RFTN1: variants seen among roughly 807,000 people sequenced by gnomAD.
RFTN1 encodes raftlin, lipid raft linker 1, also known as raftlin.
Under a neutral mutation model 46.5 loss-of-function variants are expected in RFTN1, and 26 were observed. That is an observed-to-expected ratio of 0.56 (90% CI 0.41 to 0.78). The LOEUF (loss-of-function observed/expected upper bound fraction) is 0.78, where lower values mean the gene tolerates loss of function less well. Among genes scored for constraint, RFTN1 ranks in the 30% least tolerant of loss-of-function variants. The pLI, the probability that RFTN1 is intolerant of heterozygous loss-of-function variation, is 0.00. For synonymous variants in RFTN1, 261 were observed against 284.2 expected, an observed-to-expected ratio of 0.92 and a Z score of 0.82; for missense variants, 693 against 718.7, an observed-to-expected ratio of 0.96 and a Z score of 0.41.
chr3:16,408,309 G>C (rs1465459581), intron 4 of RFTN1, among the ~76,000 whole-genome samples: 1 of 152,100 alleles, frequency 6.6e-6, no homozygotes, highest in Non-Finnish European at 1.5e-5. Context: ...GGCCACTTCT[G>C]CTGGTAACAC....
chr3:16,395,260 T>A (rs2074441025), intron 4 of RFTN1, among the ~76,000 whole-genome samples: 1 of 152,270 alleles, frequency 6.6e-6, no homozygotes, highest in Non-Finnish European at 1.5e-5. Context: ...TATTGCTCTG[T>A]GCTCTGCCTC....
rs770669100 is a variant in RFTN1, at chr3:16,381,418, C to G, written c.442-3316G>C. On this transcript the variant is annotated intron_variant, in intron 4 of 9. Transcript: ENST00000334133. This position sits in a 1 kb window ranked among gnomAD's most constrained non-coding sequence, Gnocchi z 4.2. ...CAGTGACAATGGTGATTATTTCTGC[C>G]TGAAGGGGAGGTTGAGAAAAGTTTC... 6.6e-6 allele frequency among the ~76,000 whole-genome samples: 1 copy of G among 152,074 alleles called. No homozygotes were observed. The highest frequency in any genetic ancestry group is 1.5e-5 in the Non-Finnish European group (1 of 68,016).
rs539376714 is a variant in RFTN1, at chr3:16,352,234, G to A, written c.1146+5698C>T. ...CAAATTTCACGATAAGCACTGATAT[G>A]CTAGAACATATTCCAGGGAGAGGGA... is the stretch of plus-strand genomic sequence containing the variant. On this transcript the variant is annotated intron_variant, in intron 7 of 9. Transcript: ENST00000334133. The surrounding 1 kb of genome is among the most constrained non-coding windows in gnomAD (Gnocchi z 4.6). Among the ~76,000 whole-genome samples the A allele has an allele frequency of 6.6e-6, 1 of 152,304 alleles. No individual in the cohort carries two copies. Among genetic ancestry groups the A allele is most frequent in the East Asian group, 1.9e-4 (1 of 5,186 alleles).
At position 16,475,142 on chromosome 3, in the gene RFTN1, C is replaced by A. The variant is rs745326171; in HGVS notation, c.145+18583G>T. 1.8e-4 allele frequency among the ~76,000 whole-genome samples: 27 copies of A among 152,224 alleles called. No individual in the cohort carries two copies. The highest frequency in any genetic ancestry group is 3.4e-4 in the Non-Finnish European group (23 of 68,042). Reference sequence around the variant, plus strand: ...CCTCTCTCACCATGTGACACACCAGCTCCCCTTCCACTTGCACAATGTTTG... The same window carrying A: ...CCTCTCTCACCATGTGACACACCAGATCCCCTTCCACTTGCACAATGTTTG... On this transcript the variant is annotated intron_variant, in intron 2 of 9. Transcript: ENST00000334133. The surrounding 1 kb of genome is among the most constrained non-coding windows in gnomAD (Gnocchi z 4.2).
At chr3:16,470,941 A>G (rs1575338535) in intron 2 of RFTN1, among the ~76,000 whole-genome samples, 1 of 152,254 alleles carries the variant, frequency 6.6e-6, no homozygotes, top group East Asian at 1.9e-4. Flanking sequence ...TATTATAACT[A>G]AATTCAATAT....
chr3:16,493,372 C>T (rs1303370486), intron 2 of RFTN1, among the ~76,000 whole-genome samples: 2 of 152,056 alleles, frequency 1.3e-5, no homozygotes, highest in Non-Finnish European at 2.9e-5. Flanking sequence ...GCTGGGACTA[C>T]AGGCACCCGC....
chr3:16,365,486 T>TA (rs2073103050), intron 6 of RFTN1, among the ~76,000 whole-genome samples: 1 of 152,194 alleles, frequency 6.6e-6, no homozygotes, highest in South Asian at 2.1e-4. Context: ...GTGTTTTACT[T>TA]ATGTATTTTG....
chr3:16,354,874 T>C (rs1258298552), intron 7 of RFTN1, among the ~76,000 whole-genome samples: 1 of 152,238 alleles, frequency 6.6e-6, no homozygotes, highest in African/African-American at 2.4e-5. Context: ...ATATCCTAGT[T>C]CGTCCCTCTT....
chr3:16,437,098 T>C (rs768815532), intron 2 of RFTN1, among the ~76,000 whole-genome samples: 1 of 152,234 alleles, frequency 6.6e-6, no homozygotes, highest in Non-Finnish European at 1.5e-5. Context: ...CTCTGGAGCA[T>C]GCTAAAGTTT....
At position 16,351,622 on chromosome 3, in the gene RFTN1, T is replaced by C. The variant is rs76341535; in HGVS notation, c.1146+6310A>G. ...AAGTCAAGTCCTCGCAGGTAGCAGC[T>C]GCTTTCTAGGATGCTCATGCCCTTC... On this transcript the variant is annotated intron_variant, in intron 7 of 9. Transcript: ENST00000334133. The surrounding 1 kb of genome is among the most constrained non-coding windows in gnomAD (Gnocchi z 5.4). 8.6e-3 allele frequency among the ~76,000 whole-genome samples: 1,310 copies of C among 152,320 alleles called. 5 individuals are homozygous for C. The highest frequency in any genetic ancestry group is 0.014 in the Non-Finnish European group (982 of 68,010).
intron 2 of RFTN1, chr3:16,482,883 G>C (rs1310749372): frequency 6.6e-7 from 1 of 1,510,768 alleles, no homozygotes; most frequent in African/African-American, 1.4e-5. Context: ...CTCCCACCGG[G>C]GTGAGCTTAA....
chr3:16,477,608 C>T (rs2076303118), intron 2 of RFTN1, among the ~76,000 whole-genome samples: 1 of 152,158 alleles, frequency 6.6e-6, no homozygotes, highest in Non-Finnish European at 1.5e-5. Context: ...AGAGCCAAAC[C>T]TCATTACCAC....
chr3:16,321,786 T>C lies in RFTN1; in HGVS notation c.1332+1590A>G, dbSNP rs1268742874. Among the ~76,000 whole-genome samples the C allele has an allele frequency of 6.6e-6, 1 of 152,192 alleles. No homozygotes were observed. The highest frequency in any genetic ancestry group is 1.9e-4 in the East Asian group (1 of 5,196). On this transcript the variant is annotated intron_variant, in intron 9 of 9. Transcript: ENST00000334133. This position sits in a 1 kb window ranked among gnomAD's most constrained non-coding sequence, Gnocchi z 4.8. Reference sequence around the variant, plus strand: ...CTGACTGAAAAAACAGTGGGTCCCATCCTCTCTGAATTTTCCCTGAGGAGA... The same window carrying C: ...CTGACTGAAAAAACAGTGGGTCCCACCCTCTCTGAATTTTCCCTGAGGAGA...
intron 2 of RFTN1, chr3:16,454,654 C>A: frequency 1.9e-6 from 1 of 512,990 alleles, no homozygotes; most frequent in African/African-American, 2.1e-5. Context: ...TTTCTCCTCT[C>A]CTCCTCATTC....
rs1474518675 is a variant in RFTN1 at position 16,357,882 on chromosome 3, A to G, written c.1146+50T>C. 4 of 1,175,862 alleles carry G rather than the reference A, an allele frequency of 3.4e-6. No individual in the cohort carries two copies. The Admixed American group carries it at 5.2e-5, about 15-fold the overall frequency. 72.8% of individuals were successfully genotyped at this position (1,175,862 alleles called of 1,614,324 possible). On this transcript the variant is annotated intron_variant, in intron 7 of 9. Transcript: ENST00000334133. The stretch of plus-strand genomic sequence containing the variant: ...ACGGTCAGATCAAGCAGGCGGATAA[A>G]ACAAGTGCTGTCTAAACAAAAGAAG...
At chr3:16,360,881 A>G (rs2072784713) in intron 6 of RFTN1, among the ~76,000 whole-genome samples, 1 of 152,260 alleles carries the variant, frequency 6.6e-6, no homozygotes, top group African/African-American at 2.4e-5. Context: ...ACTAGGATAT[A>G]AAACTGCCAC....
chr3:16,375,566 A>G (rs2073736761), intron 5 of RFTN1, among the ~76,000 whole-genome samples: 1 of 152,126 alleles, frequency 6.6e-6, no homozygotes, highest in Non-Finnish European at 1.5e-5. Context: ...TGAAAAACCC[A>G]AAAGCTCATC....
chr3:16,325,751 G>A (rs563395), intron 8 of RFTN1, among the ~76,000 whole-genome samples: 50,258 of 152,094 alleles, frequency 0.33, 8,990 homozygotes, highest in Non-Finnish European at 0.39. Context: ...TGTGGAATCT[G>A]AGGATCCTGG....
intron 4 of RFTN1, among the ~76,000 whole-genome samples, chr3:16,388,830 T>C (rs1043559508): frequency 2.0e-5 from 3 of 152,216 alleles, no homozygotes; most frequent in African/African-American, 7.2e-5. Flanking sequence ...AGACAGTTTT[T>C]TGGAGTTGCT....
Sources: allele counts gnomAD v4.1 joint callset (sites outside exome capture counted in the v4.1 genomes callset), GRCh38; gene constraint gnomAD v4.1.1; non-coding constraint Gnocchi (gnomAD v3.1); transcripts MANE v1.5; gene names NCBI Gene and HGNC (gene_info 2026-07-23, HGNC 2026-07-21).